The following FBXO31 variants were observed in gnomAD, a reference collection of about 807,000 sequenced individuals.
The protein encoded by FBXO31 is F-box only protein 31.
A neutral mutation model predicts 54.4 loss-of-function variants in FBXO31; 24 were observed. The observed-to-expected ratio is 0.44, with a 90% CI of 0.32 to 0.62. FBXO31 has a LOEUF of 0.62. FBXO31 is among the 20% of genes least tolerant of loss of function. The pLI, the probability that FBXO31 is intolerant of heterozygous loss-of-function variation, is 0.05. For synonymous variants in FBXO31, 388 were observed against 335.6 expected (o/e 1.16, Z -1.71); for missense variants, 665 against 787.1 (o/e 0.84, Z 1.86).
rs565868705 is a variant in FBXO31 at position 87,346,507 on chromosome 16, C to A, written c.489+667G>T. Among the ~76,000 whole-genome samples the A allele has an allele frequency of 6.6e-6, 1 of 152,236 alleles. No individual in the cohort carries two copies. Among genetic ancestry groups the A allele is most frequent in the South Asian group, 2.1e-4 (1 of 4,834 alleles). On this transcript the variant is annotated intron_variant, in intron 3 of 8. Coordinates refer to ENST00000311635, the MANE Select transcript of FBXO31 (RefSeq NM_024735.5). This position sits in a 1 kb window ranked among gnomAD's most constrained non-coding sequence, Gnocchi z 4.2. ...CCATGATCAAGTACCCAGGACTAGA[C>A]AGGCACTGCCATGGCAGACCCAACG...
Position 87,335,521 on chromosome 16 carries a change from A to C in FBXO31, c.843-64T>G. ...GGGCAGGCAGGACTGAGAACGCCCA[A>C]GGTGCCAGGGATGAGCTTTGCAGGG... is the stretch of plus-strand genomic sequence containing the variant. On this transcript the variant is annotated intron_variant, in intron 6 of 8. Transcript: ENST00000311635. This position sits in a 1 kb window ranked among gnomAD's most constrained non-coding sequence, Gnocchi z 5.7. 2.1e-6 allele frequency: 2 copies of C among 952,856 alleles called. No homozygotes were observed. Among genetic ancestry groups the C allele is most frequent in the Non-Finnish European group, 3.0e-6 (2 of 670,846 alleles). The allele number at this position is 952,856 out of a possible 1,614,324, so 59.0% of individuals were successfully genotyped here.
chr16:87,337,127 C>T (rs1055119116), intron 5 of FBXO31, among the ~76,000 whole-genome samples: 2 of 152,154 alleles, frequency 1.3e-5, no homozygotes, highest in Admixed American at 6.5e-5. Flanking sequence ...ACACAGAAGC[C>T]ACCTGGATTT....
In FBXO31 at chr16:87,383,358, G is replaced by A. The variant is rs1279288136; in HGVS notation, c.340+47C>T. On this transcript the variant is annotated intron_variant, in intron 1 of 8. Transcript: ENST00000311635. The surrounding 1 kb of genome is among the most constrained non-coding windows in gnomAD (Gnocchi z 4.9). ...CTCCCAGCTCCGAGGCCTCCACCTGGCAGGGACCCCCCGCCCCTCCCGGCC... is the reference window on the plus strand; with the variant it reads ...CTCCCAGCTCCGAGGCCTCCACCTGACAGGGACCCCCCGCCCCTCCCGGCC... The A allele has an allele frequency of 5.6e-6, 8 of 1,438,852 alleles. No individual in the cohort carries two copies. Among genetic ancestry groups the A allele is most frequent in the Non-Finnish European group, 7.5e-6 (8 of 1,067,146 alleles). 89.1% of individuals were successfully genotyped at this position (1,438,852 alleles called of 1,614,324 possible). A position where few individuals can be genotyped will look rare whatever the true frequency, so the allele number is the denominator to read the frequency against.
chr16:87,371,598 A>T (rs1360731859), intron 1 of FBXO31, among the ~76,000 whole-genome samples: 1 of 152,256 alleles, frequency 6.6e-6, no homozygotes, highest in Non-Finnish European at 1.5e-5. Context: ...AAGGACGCTG[A>T]CCCAGAAAGG....
intron 1 of FBXO31, chr16:87,362,563 T>G (rs969085125): frequency 2.6e-5 from 4 of 152,088 alleles, no homozygotes; most frequent in Non-Finnish European, 5.9e-5. Context: ...CATTTATTGA[T>G]TGATTGATGG....
At chr16:87,364,209 A>G (rs1164729306) in intron 1 of FBXO31, among the ~76,000 whole-genome samples, 10 of 152,232 alleles carry the variant, frequency 6.6e-5, no homozygotes, top group Non-Finnish European at 1.5e-5. Flanking sequence ...GGACTCCACC[A>G]GGCCATGGAG....
At chr16:87,372,645 C>G (rs756206330) in intron 1 of FBXO31, among the ~76,000 whole-genome samples, 2 of 152,024 alleles carry the variant, frequency 1.3e-5, no homozygotes, top group Non-Finnish European at 2.9e-5. Flanking sequence ...ACTGCAGACT[C>G]AAACTCCTGG....
chr16:87,379,532 G>A (rs751691898), intron 1 of FBXO31, among the ~76,000 whole-genome samples: 1 of 152,126 alleles, frequency 6.6e-6, no homozygotes, highest in South Asian at 2.1e-4. Flanking sequence ...CAGGTTTTCC[G>A]CATTGTGCCT....
upstream of FBXO31, among the ~76,000 whole-genome samples, chr16:87,390,252 G>A (rs1316437907): frequency 6.6e-6 from 1 of 152,090 alleles, no homozygotes; most frequent in Admixed American, 6.5e-5. Flanking sequence ...CTGCACTCCA[G>A]CCTGGGCAAC....
At chr16:87,332,403 G>A (rs1301351067) in intron 8 of FBXO31, among the ~76,000 whole-genome samples, 1 of 152,266 alleles carries the variant, frequency 6.6e-6, no homozygotes, top group Non-Finnish European at 1.5e-5. Flanking sequence ...TTCCTGGTCA[G>A]TGGCTGCAGC....
intron 1 of FBXO31, among the ~76,000 whole-genome samples, chr16:87,375,644 T>C (rs1906789772): frequency 6.6e-6 from 1 of 151,972 alleles, no homozygotes; most frequent in Non-Finnish European, 1.5e-5. Context: ...CCCCAGAAAG[T>C]GAAGGCTTCT....
At chr16:87,376,270 T>C (rs896648675) in intron 1 of FBXO31, among the ~76,000 whole-genome samples, 3 of 151,928 alleles carry the variant, frequency 2.0e-5, no homozygotes, top group East Asian at 1.9e-4. Flanking sequence ...TTTTCTTTTT[T>C]TCTTTCTTTT....
At chr16:87,385,709 C>G (rs1907305624), upstream of FBXO31, among the ~76,000 whole-genome samples, 1 of 151,790 alleles carries the variant, frequency 6.6e-6, no homozygotes, top group Admixed American at 6.6e-5. Context: ...GGAGAATGTT[C>G]TAGAAAAAAA....
At position 87,335,693 on chromosome 16, in the gene FBXO31, G is replaced by A. The variant is rs780546985; in HGVS notation, c.843-236C>T. 1.5e-4 allele frequency among the ~76,000 whole-genome samples: 23 copies of A among 152,202 alleles called. No homozygotes were observed. Among genetic ancestry groups the A allele is most frequent in the African/African-American group, 4.6e-4 (19 of 41,452 alleles). On this transcript the variant is annotated intron_variant, in intron 6 of 8. Transcript: ENST00000311635. The surrounding 1 kb of genome is among the most constrained non-coding windows in gnomAD (Gnocchi z 5.7). ...TTCTGGGGTTAAGGGGGGCATCAGC[G>A]CCAGGGCAGAGCTTTAGGTGGGAGG...
intron 1 of FBXO31, among the ~76,000 whole-genome samples, chr16:87,378,379 AC>A (rs892331495): frequency 4.7e-4 from 71 of 152,334 alleles, no homozygotes; most frequent in African/African-American, 1.6e-3. Flanking sequence ...AATAAAATTC[AC>A]CCAAATTGGC....
At chr16:87,379,248 G>A (rs991708910) in intron 1 of FBXO31, among the ~76,000 whole-genome samples, 8 of 152,096 alleles carry the variant, frequency 5.3e-5, no homozygotes, top group African/African-American at 1.9e-4. Flanking sequence ...CTGTAGGACA[G>A]ATCAGTCAGA....
In FBXO31 at chr16:87,328,968, G is replaced by A. The variant is rs879433729; in HGVS notation, c.*2320C>T. On this transcript the variant is annotated 3_prime_UTR_variant, in exon 9 of 9. Coordinates refer to ENST00000311635, the MANE Select transcript of FBXO31 (RefSeq NM_024735.5). ...TTCCGAGTTCTCACCTGCAGGAAAT[G>A]GGCCACCTGCAGGATCCCCTGAGAG... is the stretch of plus-strand genomic sequence containing the variant. 6.6e-6 allele frequency: 1 copy of A among 152,226 alleles called. No individual in the cohort carries two copies. The highest frequency in any genetic ancestry group is 1.5e-5 in the Non-Finnish European group (1 of 68,048). 9.4% of individuals were successfully genotyped at this position (152,226 alleles called of 1,614,324 possible).
intron 2 of FBXO31, among the ~76,000 whole-genome samples, chr16:87,348,631 G>A (rs1905503519): frequency 6.6e-6 from 1 of 152,182 alleles, no homozygotes; most frequent in Admixed American, 6.5e-5. Context: ...AAGGGCAGAG[G>A]CAGCCGGCCC....
chr16:87,331,997 C>T (rs576960667), intron 8 of FBXO31, among the ~76,000 whole-genome samples: 2 of 152,372 alleles, frequency 1.3e-5, no homozygotes, highest in East Asian at 1.9e-4. Flanking sequence ...ACTCAGAAGT[C>T]GCAAACACCC....
Sources: gnomAD v4.1 joint callset for allele counts (sites outside exome capture counted in the v4.1 genomes callset) on GRCh38, gnomAD v4.1.1 for gene constraint, Gnocchi (gnomAD v3.1) non-coding constraint, MANE v1.5 for transcripts, NCBI Gene and HGNC (gene_info 2026-07-23, HGNC 2026-07-21) for gene names.